Variants in ROR1 observed in about 807,000 individuals in gnomAD.
The protein encoded by ROR1 is inactive tyrosine-protein kinase transmembrane receptor ROR1.
Under a neutral mutation model 78.8 loss-of-function variants are expected in ROR1, and 19 were observed. The ratio of observed to expected loss-of-function variants is 0.24; its 90% CI spans 0.17 to 0.35. The LOEUF is 0.35. Among genes scored for constraint, ROR1 ranks in the 10% least tolerant of loss-of-function variants. ROR1 has a pLI of 1.00. For synonymous variants in ROR1, 386 were observed against 433.6 expected (o/e 0.89, Z 1.36); for missense variants, 917 against 1,177.8 (o/e 0.78, Z 3.24).
intron 1 of ROR1, among the ~76,000 whole-genome samples, chr1:63,811,036 A>G (rs1356368529): frequency 6.6e-6 from 1 of 152,188 alleles, no homozygotes; most frequent in Non-Finnish European, 1.5e-5. Context: ...ACTGACCCTA[A>G]GAGAGACAGG....
chr1:63,801,890 G>C (rs1370882508), intron 1 of ROR1, among the ~76,000 whole-genome samples: 15 of 152,176 alleles, frequency 9.9e-5, no homozygotes, highest in Non-Finnish European at 2.2e-4. Context: ...CACCTAACCT[G>C]TAATACATTT....
chr1:63,858,853 C>T (rs925758173), intron 1 of ROR1, among the ~76,000 whole-genome samples: 6 of 152,070 alleles, frequency 3.9e-5, no homozygotes, highest in African/African-American at 1.4e-4. Context: ...TACTACTCGG[C>T]ACATAAAGAA....
chr1:63,844,507 C>A (rs899542402), intron 1 of ROR1, among the ~76,000 whole-genome samples: 2 of 151,980 alleles, frequency 1.3e-5, no homozygotes, highest in African/African-American at 4.8e-5. Flanking sequence ...GTTGCTAGCA[C>A]ATAGCATGTG....
intron 1 of ROR1, chr1:63,843,321 G>C (rs1645060747): frequency 8.4e-7 from 1 of 1,186,494 alleles, no homozygotes; most frequent in African/African-American, 1.5e-5. Flanking sequence ...CTTCTTGACG[G>C]CGTCCTTGGA....
intron 1 of ROR1, among the ~76,000 whole-genome samples, chr1:63,818,368 C>T (rs1389394075): frequency 1.3e-5 from 2 of 152,104 alleles, no homozygotes; most frequent in African/African-American, 2.4e-5. Context: ...GTATTTTTTT[C>T]CTACAAATAT....
intron 8 of ROR1, among the ~76,000 whole-genome samples, 171 bp from the exon 9 acceptor site, chr1:64,177,257 T>C (rs150902668): frequency 6.6e-6 from 1 of 152,366 alleles, no homozygotes; most frequent in Non-Finnish European, 1.5e-5. Context: ...AAGTTGTCTA[T>C]GGCACCTCCC....
At chr1:64,034,754 A>G (rs1028788893) in intron 2 of ROR1, among the ~76,000 whole-genome samples, 1 of 152,208 alleles carries the variant, frequency 6.6e-6, no homozygotes, top group Non-Finnish European at 1.5e-5. Context: ...GTTTTATTGT[A>G]AGTTTCTGTT....
chr1:63,805,935 C>T (rs568201539), intron 1 of ROR1, among the ~76,000 whole-genome samples: 3 of 152,330 alleles, frequency 2.0e-5, no homozygotes, highest in Admixed American at 6.5e-5. Context: ...GGGAAGACTG[C>T]TTGAGCCCAG....
chr1:64,089,004 A>G (rs1256320147), intron 4 of ROR1, among the ~76,000 whole-genome samples: 2 of 151,978 alleles, frequency 1.3e-5, no homozygotes, highest in Admixed American at 6.6e-5. Flanking sequence ...TTTTTTTACT[A>G]TACTTTAAAT....
chr1:64,100,667 C>T (rs956410810), intron 4 of ROR1, among the ~76,000 whole-genome samples: 1 of 152,198 alleles, frequency 6.6e-6, no homozygotes, highest in African/African-American at 2.4e-5. Context: ...GGGAATATAT[C>T]AAACCCCTAC....
At chr1:63,930,675 C>T (rs935495653) in intron 1 of ROR1, among the ~76,000 whole-genome samples, 5 of 152,192 alleles carry the variant, frequency 3.3e-5, no homozygotes, top group South Asian at 2.1e-4. Context: ...TCCTGACCAT[C>T]GCTCATTTTA....
intron 4 of ROR1, among the ~76,000 whole-genome samples, chr1:64,092,823 A>T (rs1272785293): frequency 6.6e-6 from 1 of 152,200 alleles, no homozygotes; most frequent in East Asian, 1.9e-4. Flanking sequence ...TGCATTTCTT[A>T]TCAAGAGAAT....
chr1:63,801,742 G>A (rs1644798641), intron 1 of ROR1, among the ~76,000 whole-genome samples: 1 of 152,132 alleles, frequency 6.6e-6, no homozygotes. Context: ...GTTAAAATAG[G>A]GAGTGAGGAA....
chr1:63,916,290 C>T (rs1380298612), intron 1 of ROR1, among the ~76,000 whole-genome samples: 1 of 152,146 alleles, frequency 6.6e-6, no homozygotes, highest in Non-Finnish European at 1.5e-5. Flanking sequence ...TCGGGCCAGG[C>T]GCCTTCTCAA....
intron 4 of ROR1, among the ~76,000 whole-genome samples, chr1:64,112,903 A>G (rs1339672965): frequency 1.3e-5 from 2 of 152,210 alleles, no homozygotes; most frequent in African/African-American, 4.8e-5. Context: ...CCCTATGGAC[A>G]GCCTGCCAGC....
At chr1:63,908,158 G>T (rs2100412447) in intron 1 of ROR1, among the ~76,000 whole-genome samples, 1 of 152,302 alleles carries the variant, frequency 6.6e-6, no homozygotes, top group East Asian at 1.9e-4. Context: ...GGCTGGATTT[G>T]CTGAGATCAT....
At chr1:63,967,989 C>A (rs1646089251) in intron 1 of ROR1, among the ~76,000 whole-genome samples, 2 of 152,148 alleles carry the variant, frequency 1.3e-5, no homozygotes, top group South Asian at 4.1e-4. Context: ...TACACAAATT[C>A]CTTCTTACAT....
chr1:63,861,859 C>T (rs927768961), intron 1 of ROR1, among the ~76,000 whole-genome samples: 1 of 152,068 alleles, frequency 6.6e-6, no homozygotes, highest in African/African-American at 2.4e-5. Flanking sequence ...CTTAGGGTTT[C>T]TGTGATAATA....
At chr1:64,017,838 A>G (rs561970253) in intron 2 of ROR1, among the ~76,000 whole-genome samples, 2 of 152,298 alleles carry the variant, frequency 1.3e-5, no homozygotes, top group East Asian at 1.9e-4. Flanking sequence ...TGTTTTTACC[A>G]TTTAGAATGA....
Sources: allele counts gnomAD v4.1 joint callset (sites outside exome capture counted in the v4.1 genomes callset), GRCh38; gene constraint gnomAD v4.1.1; transcripts MANE v1.5; gene names NCBI Gene and HGNC (gene_info 2026-07-23, HGNC 2026-07-21).